SFXN5: variants seen among roughly 807,000 people sequenced by gnomAD.
SFXN5 encodes the protein sideroflexin 5.
In SFXN5, 43 loss-of-function variants were observed where a neutral mutation model predicts 50.2. The observed-to-expected ratio is 0.86, with a 90% CI of 0.67 to 1.11. The LOEUF (loss-of-function observed/expected upper bound fraction) is 1.11, where lower values mean the gene tolerates loss of function less well. Ranked by LOEUF, SFXN5 falls within the 50% of genes least tolerant of loss-of-function variation. The pLI, the probability that SFXN5 is intolerant of heterozygous loss-of-function variation, is 0.00. For synonymous variants in SFXN5, 203 were observed against 185.8 expected (o/e 1.09, Z -0.75); for missense variants, 463 against 454.1 (o/e 1.02, Z -0.18).
intron 10 of SFXN5, among the ~76,000 whole-genome samples, chr2:72,981,660 G>A (rs1671313346): frequency 6.6e-6 from 1 of 152,132 alleles, no homozygotes; most frequent in African/African-American, 2.4e-5. Context: ...TGGACCCACT[G>A]CCTGTGTCCT....
chr2:73,024,312 A>G lies in SFXN5; in HGVS notation c.250-1098T>C, dbSNP rs112263739. 2.9e-3 allele frequency among the ~76,000 whole-genome samples: 446 copies of G among 152,228 alleles called. 2 individuals are homozygous for G. The highest frequency in any genetic ancestry group is 0.01 in the African/African-American group (421 of 41,528). ...GCTGAGATTACAGGTGTGAGCCACC[A>G]TGCCCAGCCCAGGCCTTTTCAAATC... On this transcript the variant is annotated intron_variant, in intron 3 of 13. Coordinates refer to ENST00000272433, the MANE Select transcript of SFXN5 (RefSeq NM_144579.3).
At chr2:73,049,263 T>A (rs1388116782) in intron 2 of SFXN5, 1 of 152,278 alleles carries the variant, frequency 6.6e-6, no homozygotes, top group Non-Finnish European at 1.5e-5. Context: ...GGCCAAACCC[T>A]GTGTGAAACC....
At chr2:73,054,917 G>C in intron 2 of SFXN5, among the ~76,000 whole-genome samples, 1 of 152,306 alleles carries the variant, frequency 6.6e-6, no homozygotes, top group African/African-American at 2.4e-5. Flanking sequence ...TACTTCTTAG[G>C]AGAATCCAGA....
At chr2:72,971,971 C>T (rs1464777084) in intron 10 of SFXN5, among the ~76,000 whole-genome samples, 2 of 152,222 alleles carry the variant, frequency 1.3e-5, no homozygotes, top group Non-Finnish European at 2.9e-5. Context: ...GCTTTCCTCT[C>T]CTCCAGGGCA....
At chr2:73,069,478 C>A (rs896676849) in intron 1 of SFXN5, among the ~76,000 whole-genome samples, 12 of 152,084 alleles carry the variant, frequency 7.9e-5, no homozygotes, top group African/African-American at 2.7e-4. Flanking sequence ...GTTTGCAGAG[C>A]CAGGGAGCCA....
chr2:72,947,184 C>T (rs537136916), intron 13 of SFXN5, among the ~76,000 whole-genome samples: 24 of 152,348 alleles, frequency 1.6e-4, no homozygotes, highest in South Asian at 8.3e-4. Flanking sequence ...AGGCAGCGGA[C>T]GTGCGGATCT....
chr2:73,011,836 A>T (rs1675542133), intron 6 of SFXN5, among the ~76,000 whole-genome samples: 1 of 152,252 alleles, frequency 6.6e-6, no homozygotes. Flanking sequence ...TCTGTTAAAG[A>T]TGTAAATGTG....
intron 13 of SFXN5, among the ~76,000 whole-genome samples, chr2:72,946,728 T>C (rs751641090): frequency 6.6e-6 from 1 of 151,972 alleles, no homozygotes; most frequent in Non-Finnish European, 1.5e-5. Flanking sequence ...CCTCTTTGCG[T>C]CCTCTCCCCG....
At chr2:73,065,521 CCTGAGTAG>C (rs1230133764) in intron 1 of SFXN5, among the ~76,000 whole-genome samples, 2 of 152,160 alleles carry the variant, frequency 1.3e-5, no homozygotes, top group Non-Finnish European at 2.9e-5. Context: ...CTGCTTCAGT[CCTGAGTAG>C]CTGGGATTAT....
At chr2:73,037,385 G>A (rs1240870720) in intron 3 of SFXN5, among the ~76,000 whole-genome samples, 1 of 152,176 alleles carries the variant, frequency 6.6e-6, no homozygotes, top group African/African-American at 2.4e-5. Context: ...GGCCCATAGA[G>A]ATGGATAGAA....
intron 1 of SFXN5, among the ~76,000 whole-genome samples, chr2:73,067,359 A>T (rs1368173772): frequency 1.3e-5 from 2 of 152,200 alleles, no homozygotes; most frequent in Non-Finnish European, 2.9e-5. Context: ...CCTGGATGGG[A>T]TCCTGGGACA....
chr2:73,053,435 C>T (rs1681662807), intron 2 of SFXN5: 1 of 154,114 alleles, frequency 6.5e-6, no homozygotes. Context: ...CCTCTTCCTT[C>T]CCTCTCCTTT....
At chr2:73,043,193 G>T (rs1679875512) in intron 2 of SFXN5, among the ~76,000 whole-genome samples, 1 of 152,268 alleles carries the variant, frequency 6.6e-6, no homozygotes, top group Non-Finnish European at 1.5e-5. Context: ...CCAGCATGGG[G>T]GAAGAAACCC....
chr2:73,035,493 C>G (rs79844104), intron 3 of SFXN5, among the ~76,000 whole-genome samples: 4 of 101,844 alleles, frequency 3.9e-5, no homozygotes, highest in Non-Finnish European at 5.5e-5. Context: ...GTATCGCAAT[C>G]TTTTTTTTTT....
At chr2:73,017,423 T>G (rs1479786793) in intron 6 of SFXN5, among the ~76,000 whole-genome samples, 1 of 152,184 alleles carries the variant, frequency 6.6e-6, no homozygotes, top group Non-Finnish European at 1.5e-5. Context: ...AACCTAACTG[T>G]GTATCAAGTA....
chr2:73,057,670 C>T (rs1462262180), intron 2 of SFXN5, among the ~76,000 whole-genome samples: 2 of 152,170 alleles, frequency 1.3e-5, no homozygotes, highest in South Asian at 4.1e-4. Context: ...TGTGTCCCCA[C>T]CCAAACCTCA....
chr2:73,065,247 C>T (rs1217180674), intron 1 of SFXN5, among the ~76,000 whole-genome samples: 1 of 152,076 alleles, frequency 6.6e-6, no homozygotes, highest in East Asian at 1.9e-4. Flanking sequence ...ACTACAGGTG[C>T]ATGCTACCAC....
At chr2:72,951,192 C>T (rs192143189) in intron 13 of SFXN5, among the ~76,000 whole-genome samples, 11 of 152,268 alleles carry the variant, frequency 7.2e-5, no homozygotes, top group East Asian at 3.9e-4. Context: ...GCCCTGCTAG[C>T]GCTCCCTGAC....
intron 6 of SFXN5, among the ~76,000 whole-genome samples, chr2:73,008,293 G>A (rs1027947387): frequency 1.3e-5 from 2 of 152,336 alleles, no homozygotes; most frequent in African/African-American, 4.8e-5. Context: ...GCCCTCCTTA[G>A]CACCCTGGGC....
Sources: allele counts gnomAD v4.1 joint callset (sites outside exome capture counted in the v4.1 genomes callset), GRCh38; gene constraint gnomAD v4.1.1; transcripts MANE v1.5; gene names NCBI Gene and HGNC (gene_info 2026-07-23, HGNC 2026-07-21).